ZBTB25: variants seen among roughly 807,000 people sequenced by gnomAD.
ZBTB25 encodes the protein zinc finger and BTB domain-containing protein 25.
ZBTB25 carries 20 observed loss-of-function variants against 34.2 expected under a neutral mutation model. The observed-to-expected ratio is 0.58, with a 90% confidence interval of 0.41 to 0.85. ZBTB25 has a LOEUF of 0.85. Ranked by LOEUF, ZBTB25 falls within the 40% of genes least tolerant of loss-of-function variation. ZBTB25 has a pLI of 0.00. For missense variants in ZBTB25, 437 were observed against 521.8 expected, an observed-to-expected ratio of 0.84 and a Z score of 1.58; for synonymous variants, 175 against 186.4, an observed-to-expected ratio of 0.94 and a Z score of 0.50.
chr14:64,493,919 C>T (rs995228638), intron 1 of ZBTB25, among the ~76,000 whole-genome samples: 1 of 151,752 alleles, frequency 6.6e-6, no homozygotes, highest in Non-Finnish European at 1.5e-5. Flanking sequence ...TACCAGGTAT[C>T]TAAGTAGAAA....
Position 64,478,601 on chromosome 14 carries a change from A to ATCTTT in ZBTB25, c.*8321_*8322insAAAGA, listed in dbSNP as rs1420473842. ...GCCTCACAGTTAATGGCTTGGAAAAATCTTCAGAAATGCTCAATGTAGCAC... is the reference window on the plus strand; with the variant it reads ...GCCTCACAGTTAATGGCTTGGAAAAATCTTTTCTTCAGAAATGCTCAATGTAGCAC... On this transcript the variant is annotated 3_prime_UTR_variant, in exon 3 of 3. Transcript: ENST00000608382. 1 of 152,216 alleles carries ATCTTT rather than the reference A, an allele frequency of 6.6e-6. No individual in the cohort carries two copies. Among genetic ancestry groups the ATCTTT allele is most frequent in the East Asian group, 1.9e-4 (1 of 5,196 alleles). The allele number at this position is 152,216 out of a possible 1,614,324, so 9.4% of individuals were successfully genotyped here. A position where few individuals can be genotyped will look rare whatever the true frequency, so the allele number is the denominator to read the frequency against.
chr14:64,504,334 C>A (rs570261504), upstream of ZBTB25, among the ~76,000 whole-genome samples: 3 of 151,620 alleles, frequency 2.0e-5, no homozygotes, highest in East Asian at 5.9e-4. Flanking sequence ...CGAGGCGGAC[C>A]GCGAGTGACG....
intron 1 of ZBTB25, among the ~76,000 whole-genome samples, chr14:64,497,562 GT>G: frequency 6.6e-6 from 1 of 152,096 alleles, no homozygotes; most frequent in Non-Finnish European, 1.5e-5. Context: ...AGTTTTATCT[GT>G]TATCAAAGTG....
intron 1 of ZBTB25, among the ~76,000 whole-genome samples, chr14:64,492,271 A>T (rs1024788782): frequency 1.3e-5 from 2 of 151,868 alleles, no homozygotes; most frequent in African/African-American, 4.8e-5. Context: ...CAACGGCTCC[A>T]TCTCGGCTTA....
chr14:64,456,022 G>A (rs2078467190), intron 2 of ZBTB25, among the ~76,000 whole-genome samples: 1 of 152,252 alleles, frequency 6.6e-6, no homozygotes, highest in African/African-American at 2.4e-5. Flanking sequence ...GAATAGTGCA[G>A]AAATATGTGT....
Position 64,487,088 on chromosome 14 carries a change from G to A in ZBTB25, c.1143C>T (p.Cys381=), listed in dbSNP as rs766482788. The change falls in exon 3 of 3, where the codon TGC becomes TGT. Residue 381 remains cysteine (C), a synonymous_variant. Transcript: ENST00000608382. ...HKGKSYRYNR[C]QRFGNALAQR... ...GGGCCAATGCATTACCAAACCTTTG[G>A]CATCGGTTATATCTGTAAGATTTAC... The A allele has an allele frequency of 1.2e-6, 2 of 1,614,198 alleles. No homozygotes were observed. The highest frequency in any genetic ancestry group is 1.1e-5 in the South Asian group (1 of 91,082).
intron 2 of ZBTB25, chr14:64,470,589 C>CA (rs35363924): frequency 0.044 from 2,177 of 49,804 alleles, 51 homozygotes; most frequent in African/African-American, 0.081. Flanking sequence ...GACTCCTTCT[C>CA]AAAAAAAAAA....
intron 1 of ZBTB25, among the ~76,000 whole-genome samples, chr14:64,493,856 A>AAAG (rs1207463535): frequency 6.6e-6 from 1 of 151,864 alleles, no homozygotes; most frequent in South Asian, 2.1e-4. Flanking sequence ...AAAAAAAAAA[A>AAAG]AAGAAGAAGA....
chr14:64,502,381 T>C (rs2079525724), intron 1 of ZBTB25, among the ~76,000 whole-genome samples: 1 of 152,164 alleles, frequency 6.6e-6, no homozygotes, highest in Non-Finnish European at 1.5e-5. Flanking sequence ...TATTAAGGAG[T>C]TGATGTCCGA....
rs1364374429 is a variant in ZBTB25, at chr14:64,485,786, C to G, written c.*1137G>C. The stretch of plus-strand genomic sequence containing the variant: ...GGTAGAAACATGATTTATATTTTAT[C>G]ATCATTCTCTTTCAACTCATGTAAA... On this transcript the variant is annotated 3_prime_UTR_variant, in exon 3 of 3. Transcript: ENST00000608382. 1 of 985,224 alleles carries G rather than the reference C, an allele frequency of 1.0e-6. No individual in the cohort carries two copies. The highest frequency in any genetic ancestry group is 1.2e-6 in the Non-Finnish European group (1 of 829,932). The allele number at this position is 985,224 out of a possible 1,614,324, so 61.0% of individuals were successfully genotyped here. A position where few individuals can be genotyped will look rare whatever the true frequency, so the allele number is the denominator to read the frequency against.
At chr14:64,502,762 C>G in intron 1 of ZBTB25, 1 of 973,122 alleles carries the variant, frequency 1.0e-6, no homozygotes, top group Non-Finnish European at 1.2e-6. Context: ...TCTTAGCTAT[C>G]AAGAGGTGTA....
At chr14:64,449,392 TTC>T (rs2078335449) in exon 3 of ZBTB25, 3 of 1,592,006 alleles carry the variant, frequency 1.9e-6, no homozygotes, top group Non-Finnish European at 2.6e-6. Context: ...AAGAAGACAA[TTC>T]TGTCTCTCCA....
downstream of ZBTB25, among the ~76,000 whole-genome samples, chr14:64,476,689 T>G (rs1050203122): frequency 6.6e-6 from 1 of 152,110 alleles, no homozygotes; most frequent in African/African-American, 2.4e-5. Context: ...TCTATATGGC[T>G]GAGATGCAGA....
downstream of ZBTB25, among the ~76,000 whole-genome samples, chr14:64,477,480 G>A (rs542583371): frequency 7.2e-5 from 11 of 152,274 alleles, no homozygotes; most frequent in South Asian, 2.1e-3. Flanking sequence ...CACACCACCA[G>A]ACAGCACACA....
intron 1 of ZBTB25, among the ~76,000 whole-genome samples, chr14:64,498,824 C>T (rs949619706): frequency 1.7e-4 from 25 of 151,406 alleles, no homozygotes; most frequent in Middle Eastern, 3.4e-3. Context: ...TTAGTCGAGA[C>T]GGGGTTTCAC....
In ZBTB25 at chr14:64,487,436, C is replaced by T. The variant is rs1251862830; in HGVS notation, c.795G>A (p.Leu265=). ...GAATGGAAGCAGGGACACCGAATGG[C>T]AGGGATCCAGACACATGTGTATGGA... ...QHLHTHVSGS[L]PFGVPASILE... Residue 265 remains leucine (L), a synonymous_variant, in exon 3 of 3, where the codon CTG becomes CTA. Coordinates refer to ENST00000608382, the MANE Select transcript of ZBTB25 (RefSeq NM_006977.5). 1.2e-6 allele frequency: 2 copies of T among 1,614,066 alleles called. No homozygotes were observed. Among genetic ancestry groups the T allele is most frequent in the Admixed American group, 1.7e-5 (1 of 59,996 alleles).
At chr14:64,471,254 ACC>A (rs1297918913) in intron 2 of ZBTB25, 4 of 153,028 alleles carry the variant, frequency 2.6e-5, no homozygotes, top group Non-Finnish European at 5.9e-5. Flanking sequence ...CTGGGTTCAC[ACC>A]ATTCTTCTGC....
intron 2 of ZBTB25, chr14:64,470,850 T>C (rs555959958): frequency 1.2e-5 from 2 of 167,126 alleles, no homozygotes; most frequent in East Asian, 1.9e-4. Context: ...ACAGATAATA[T>C]AGGATTCATC....
At chr14:64,498,658 G>C (rs989204664) in intron 1 of ZBTB25, among the ~76,000 whole-genome samples, 8 of 150,510 alleles carry the variant, frequency 5.3e-5, no homozygotes, top group Non-Finnish European at 8.9e-5. Context: ...TTTTGAGACA[G>C]AGTCTCACTC....
Sources: allele counts gnomAD v4.1 joint callset (sites outside exome capture counted in the v4.1 genomes callset), GRCh38; gene constraint gnomAD v4.1.1; transcripts MANE v1.5; gene names NCBI Gene and HGNC (gene_info 2026-07-23, HGNC 2026-07-21).